The following ANKRD17 variants were observed in gnomAD, a reference collection of about 807,000 sequenced individuals.
ANKRD17 encodes ankyrin repeat domain-containing protein 17.
ANKRD17 carries 19 observed loss-of-function variants against 229.7 expected under a neutral mutation model. The observed-to-expected ratio is 0.08, with a 90% CI of 0.06 to 0.12. The LOEUF (loss-of-function observed/expected upper bound fraction) is 0.12. Among genes scored for constraint, ANKRD17 ranks in the 10% least tolerant of loss-of-function variants. The pLI is 1.00. For missense variants in ANKRD17, 2,176 were observed against 3,176.8 expected, an observed-to-expected ratio of 0.68 and a Z score of 7.57; for synonymous variants, 1,112 against 1,146.1, an observed-to-expected ratio of 0.97 and a Z score of 0.60.
intron 1 of ANKRD17, among the ~76,000 whole-genome samples, chr4:73,232,107 T>C (rs1348646387): frequency 6.6e-6 from 1 of 152,224 alleles, no homozygotes; most frequent in Non-Finnish European, 1.5e-5. Flanking sequence ...AAGGGGATCA[T>C]GAGAACCCTG....
At position 73,091,235 on chromosome 4, in the gene ANKRD17, C is replaced by T. The variant is rs562089219; in HGVS notation, c.6393G>A (p.Pro2131=). Reference sequence around the variant, plus strand: ...AAGGAGGAACAGTCATTCTAACTTCCGGGGGAGGAACCTGAGACTGCTGAA... The same window carrying T: ...AAGGAGGAACAGTCATTCTAACTTCTGGGGGAGGAACCTGAGACTGCTGAA... The part of the protein sequence containing the change: ...PPLQQSQVPP[P]EVRMTVPPLA... Residue 2131 remains proline (P), a synonymous_variant, in exon 29 of 34, where the codon CCG becomes CCA. Transcript: ENST00000358602. The T allele has an allele frequency of 6.8e-5, 109 of 1,614,050 alleles. No individual in the cohort carries two copies. The highest frequency in any genetic ancestry group is 8.5e-5 in the Non-Finnish European group (100 of 1,180,040).
At chr4:73,149,798 G>A (rs899247045) in intron 7 of ANKRD17, among the ~76,000 whole-genome samples, 1 of 152,106 alleles carries the variant, frequency 6.6e-6, no homozygotes, top group Admixed American at 6.5e-5. Flanking sequence ...TCAGGAAGTT[G>A]AGGCTATAGT....
At chr4:73,181,221 T>C (rs1735500921) in intron 1 of ANKRD17, among the ~76,000 whole-genome samples, 1 of 152,214 alleles carries the variant, frequency 6.6e-6, no homozygotes. Context: ...CATTGATTTA[T>C]TACACACACA....
intron 1 of ANKRD17, among the ~76,000 whole-genome samples, chr4:73,192,946 G>A (rs192371912): frequency 3.3e-4 from 50 of 151,940 alleles, no homozygotes; most frequent in Admixed American, 2.6e-4. Flanking sequence ...TTGAAAATCA[G>A]GTTTATTGAA....
chr4:73,247,842 A>G (rs969168550), intron 1 of ANKRD17, among the ~76,000 whole-genome samples: 1 of 151,988 alleles, frequency 6.6e-6, no homozygotes, highest in Non-Finnish European at 1.5e-5. Context: ...TCACTACAAC[A>G]TAACAAGGAA....
chr4:73,168,812 G>A (rs1017938572), intron 2 of ANKRD17: 10 of 152,154 alleles, frequency 6.6e-5, no homozygotes, highest in Non-Finnish European at 1.0e-4. Context: ...GGTACAGCGG[G>A]TATACATGCA....
intron 1 of ANKRD17, among the ~76,000 whole-genome samples, chr4:73,239,584 C>T (rs959427667): frequency 3.3e-5 from 5 of 152,062 alleles, no homozygotes; most frequent in Non-Finnish European, 7.4e-5. Context: ...ATAGATATAT[C>T]TGTATATGTG....
intron 30 of ANKRD17, among the ~76,000 whole-genome samples, chr4:73,084,198 A>G (rs1394132980): frequency 6.6e-6 from 1 of 152,098 alleles, no homozygotes; most frequent in African/African-American, 2.4e-5. Flanking sequence ...TGGCCAATGT[A>G]GTGAAACTGT....
intron 30 of ANKRD17, among the ~76,000 whole-genome samples, chr4:73,080,988 T>A (rs1476999750): frequency 6.6e-6 from 1 of 152,224 alleles, no homozygotes; most frequent in Non-Finnish European, 1.5e-5. Context: ...CCCGCTGAGC[T>A]GCGCCATTTA....
chr4:73,177,801 G>T (rs1159521420), intron 1 of ANKRD17, among the ~76,000 whole-genome samples: 1 of 151,982 alleles, frequency 6.6e-6, no homozygotes, highest in East Asian at 1.9e-4. Context: ...CTTTAATTTG[G>T]TTATTAGGTA....
chr4:73,203,754 GTC>G (rs1739010403), intron 1 of ANKRD17, among the ~76,000 whole-genome samples: 1 of 61,324 alleles, frequency 1.6e-5, no homozygotes, highest in Non-Finnish European at 3.2e-5. Context: ...GCGAGACTCC[GTC>G]TCAAAAAAAA....
chr4:73,176,080 A>T (rs1357941755), intron 2 of ANKRD17, among the ~76,000 whole-genome samples: 1 of 152,186 alleles, frequency 6.6e-6, no homozygotes. Flanking sequence ...TGATAACCAG[A>T]ATATATAAGG....
intron 1 of ANKRD17, among the ~76,000 whole-genome samples, chr4:73,179,518 ATTT>A (rs56182757): frequency 1.6e-3 from 65 of 40,778 alleles, no homozygotes; most frequent in East Asian, 0.012. Flanking sequence ...ATATATATAT[ATTT>A]TTTTTTTTTT....
At chr4:73,138,036 G>A (rs577268523) in intron 15 of ANKRD17, among the ~76,000 whole-genome samples, 9 of 152,158 alleles carry the variant, frequency 5.9e-5, no homozygotes, top group African/African-American at 1.2e-4. Flanking sequence ...AAGTGGATAC[G>A]TAATATTTAA....
At chr4:73,165,066 G>A (rs1733054783) in intron 2 of ANKRD17, among the ~76,000 whole-genome samples, 1 of 151,878 alleles carries the variant, frequency 6.6e-6, no homozygotes, top group Non-Finnish European at 1.5e-5. Flanking sequence ...GGTAAAACTA[G>A]GAAAAATCTG....
intron 1 of ANKRD17, among the ~76,000 whole-genome samples, chr4:73,253,233 A>G (rs2149287569): frequency 6.6e-6 from 1 of 152,368 alleles, no homozygotes; most frequent in East Asian, 1.9e-4. Context: ...TTCAAGATGT[A>G]CATTTAACCA....
At chr4:73,076,845 A>T (rs1027891063) in intron 33 of ANKRD17, 95 bp downstream of exon 33, 14 of 1,413,352 alleles carry the variant, frequency 9.9e-6, no homozygotes, top group Admixed American at 2.3e-5. Flanking sequence ...CATATTCACC[A>T]AACTCTCTTG....
intron 11 of ANKRD17, among the ~76,000 whole-genome samples, chr4:73,143,348 T>G (rs901501904): frequency 4.6e-5 from 7 of 152,142 alleles, no homozygotes; most frequent in African/African-American, 1.7e-4. Flanking sequence ...TAGGCTAGTC[T>G]CAAACTCCTA....
intron 1 of ANKRD17, among the ~76,000 whole-genome samples, chr4:73,199,174 C>T (rs146869758): frequency 1.1e-3 from 167 of 151,384 alleles, no homozygotes; most frequent in African/African-American, 3.9e-3. Flanking sequence ...TTCTTCATGG[C>T]TAATCAGAAC....
Sources: gnomAD v4.1 joint callset for allele counts (sites outside exome capture counted in the v4.1 genomes callset) on GRCh38, gnomAD v4.1.1 for gene constraint, MANE v1.5 for transcripts, NCBI Gene and HGNC (gene_info 2026-07-23, HGNC 2026-07-21) for gene names.